CDH2: variants seen among roughly 807,000 people sequenced by gnomAD.
CDH2 encodes the protein cadherin 2, also known as cadherin-2.
Under a neutral mutation model 92.0 loss-of-function variants are expected in CDH2, and 17 were observed. That is an observed-to-expected ratio of 0.18 (90% confidence interval 0.13 to 0.28). The LOEUF is 0.28. Among genes scored for constraint, CDH2 ranks in the 10% least tolerant of loss-of-function variants. The pLI, the probability that CDH2 is intolerant of heterozygous loss-of-function variation, is 1.00. For synonymous variants in CDH2, 419 were observed against 415.9 expected (o/e 1.01, Z -0.09); for missense variants, 862 against 1,133.1 (o/e 0.76, Z 3.44).
At chr18:27,973,484 G>A (rs755487837) in intron 14 of CDH2, among the ~76,000 whole-genome samples, 2 of 152,016 alleles carry the variant, frequency 1.3e-5, no homozygotes, top group East Asian at 1.9e-4. Flanking sequence ...CTTACATTCC[G>A]TTTCTCATGC....
chr18:28,176,563 GAAATAAACAAAAAAATTGGAGCA>G (rs1443523085), intron 1 of CDH2, among the ~76,000 whole-genome samples: 2 of 152,086 alleles, frequency 1.3e-5, no homozygotes, highest in Non-Finnish European at 1.5e-5. Context: ...CATCCCTGCA[GAAATAAACAAAAAAATTGGAGCA>G]AAGTACTATG....
intron 2 of CDH2, among the ~76,000 whole-genome samples, chr18:28,026,049 G>A (rs925423395): frequency 6.6e-6 from 1 of 152,118 alleles, no homozygotes; most frequent in African/African-American, 2.4e-5. Flanking sequence ...TTGTGGGCCA[G>A]TCAATGCTTT....
chr18:28,141,394 T>C (rs957315822), intron 2 of CDH2, among the ~76,000 whole-genome samples: 1 of 151,932 alleles, frequency 6.6e-6, no homozygotes, highest in Non-Finnish European at 1.5e-5. Context: ...GTGTTTTCTC[T>C]TTACTTTGAA....
At chr18:28,045,038 CA>C (rs2014046196) in intron 2 of CDH2, among the ~76,000 whole-genome samples, 1 of 152,000 alleles carries the variant, frequency 6.6e-6, no homozygotes. Flanking sequence ...CCTCAAATTC[CA>C]AATTCAAAAA....
intron 2 of CDH2, among the ~76,000 whole-genome samples, chr18:28,131,443 T>C (rs2015768193): frequency 6.6e-6 from 1 of 152,166 alleles, no homozygotes. Flanking sequence ...CCCTCACATC[T>C]GGGCAAGTTA....
At chr18:27,997,983 T>C (rs1642984986) in intron 7 of CDH2, among the ~76,000 whole-genome samples, 2 of 152,104 alleles carry the variant, frequency 1.3e-5, no homozygotes, top group Admixed American at 6.5e-5. Flanking sequence ...ATTTTTTGTA[T>C]TTTTAGTAGG....
At chr18:28,077,072 G>C (rs181084671) in intron 2 of CDH2, among the ~76,000 whole-genome samples, 1 of 152,108 alleles carries the variant, frequency 6.6e-6, no homozygotes, top group Non-Finnish European at 1.5e-5. Context: ...GGAAGGAAAA[G>C]TGGGTACTAA....
chr18:27,983,830 A>G (rs11564298), intron 13 of CDH2, among the ~76,000 whole-genome samples: 30,664 of 152,226 alleles, frequency 0.2, 3,574 homozygotes, highest in Non-Finnish European at 0.26. Context: ...TCTTGATAAC[A>G]TTGGCATCTA....
chr18:27,982,042 A>T (rs2012072607), intron 14 of CDH2, among the ~76,000 whole-genome samples: 1 of 152,212 alleles, frequency 6.6e-6, no homozygotes, highest in African/African-American at 2.4e-5. Flanking sequence ...TGCATCTATT[A>T]CTTCCTAAGT....
downstream of CDH2, among the ~76,000 whole-genome samples, chr18:27,950,640 A>G (rs1274979335): frequency 2.0e-5 from 3 of 152,298 alleles, no homozygotes; most frequent in Non-Finnish European, 4.4e-5. Context: ...GTCAGTCAAC[A>G]GAACAATTAA....
intron 2 of CDH2, among the ~76,000 whole-genome samples, chr18:28,133,131 T>C (rs922788844): frequency 6.6e-6 from 1 of 152,178 alleles, no homozygotes; most frequent in Non-Finnish European, 1.5e-5. Context: ...GGAGATAGCA[T>C]GGTATGTCAC....
downstream of CDH2, among the ~76,000 whole-genome samples, chr18:27,946,561 TAGG>T (rs1909272524): frequency 6.6e-6 from 1 of 152,028 alleles, no homozygotes; most frequent in Admixed American, 6.6e-5. Context: ...GATAAAATTG[TAGG>T]AGAATTTGAG....
intron 1 of CDH2, among the ~76,000 whole-genome samples, chr18:28,161,687 G>A (rs886368864): frequency 5.3e-5 from 8 of 151,876 alleles, no homozygotes; most frequent in Non-Finnish European, 1.0e-4. Context: ...GAGGGGAGTT[G>A]CCACATTTTG....
intron 15 of CDH2, among the ~76,000 whole-genome samples, chr18:27,962,414 T>C (rs2011430973): frequency 6.6e-6 from 1 of 152,210 alleles, no homozygotes; most frequent in South Asian, 2.1e-4. Context: ...GCAATAAGTA[T>C]ATCTAAAAAC....
intron 1 of CDH2, among the ~76,000 whole-genome samples, chr18:28,167,032 T>C (rs994571571): frequency 6.6e-6 from 1 of 151,852 alleles, no homozygotes; most frequent in South Asian, 2.1e-4. Context: ...TTTCCAAAAT[T>C]AAAAACAAAA....
chr18:27,937,783 A>G (rs1209117661), intron 6 of CDH2, among the ~76,000 whole-genome samples: 1 of 152,178 alleles, frequency 6.6e-6, no homozygotes, highest in Non-Finnish European at 1.5e-5. Context: ...GAAAATCAAT[A>G]ATTTATTTTT....
intron 2 of CDH2, among the ~76,000 whole-genome samples, chr18:28,071,082 G>A (rs1452085246): frequency 6.6e-6 from 1 of 152,012 alleles, no homozygotes; most frequent in Non-Finnish European, 1.5e-5. Flanking sequence ...CCTCTTTTCA[G>A]AGAGTGGCCT....
At position 27,951,605 on chromosome 18, in the gene CDH2, A is replaced by C. The variant is rs201833044; in HGVS notation, c.*548T>G. 7.2e-6 allele frequency: 1 copy of C among 138,654 alleles called. No homozygotes were observed. Among genetic ancestry groups the C allele is most frequent in the Non-Finnish European group, 1.6e-5 (1 of 63,950 alleles). The allele number at this position is 138,654 out of a possible 1,614,324, so 8.6% of individuals were successfully genotyped here. On this transcript the variant is annotated 3_prime_UTR_variant, in exon 16 of 16. Transcript: ENST00000269141. ...CCCTTTATTTGCAACCAGCTGAGTAAGTTTTAAGATTTTAGTGAAAAAAAA... is the reference window on the plus strand; with the variant it reads ...CCCTTTATTTGCAACCAGCTGAGTACGTTTTAAGATTTTAGTGAAAAAAAA...
chr18:28,059,736 G>C (rs2014363254), intron 2 of CDH2, among the ~76,000 whole-genome samples: 1 of 152,162 alleles, frequency 6.6e-6, no homozygotes, highest in Non-Finnish European at 1.5e-5. Flanking sequence ...AGATATGCAA[G>C]CATATTTATG....
Sources: allele counts gnomAD v4.1 joint callset (sites outside exome capture counted in the v4.1 genomes callset), GRCh38; gene constraint gnomAD v4.1.1; transcripts MANE v1.5; gene names NCBI Gene and HGNC (gene_info 2026-07-23, HGNC 2026-07-21).